The following GPRC5C variants were observed in gnomAD, a reference collection of about 807,000 sequenced individuals.
The protein encoded by GPRC5C is G protein-coupled receptor class C group 5 member C.
A neutral mutation model predicts 31.4 loss-of-function variants in GPRC5C; 22 were observed. The ratio of observed to expected loss-of-function variants is 0.70; its 90% confidence interval spans 0.50 to 1.00. The LOEUF is 1.00. Among genes scored for constraint, GPRC5C ranks in the 50% least tolerant of loss-of-function variants. The pLI is 0.00. For missense variants in GPRC5C, 557 were observed against 597.2 expected (o/e 0.93, Z 0.70); for synonymous variants, 249 against 257.5 (o/e 0.97, Z 0.32).
downstream of GPRC5C, chr17:74,449,429 C>A (rs935778946): frequency 2.9e-6 from 3 of 1,026,830 alleles, no homozygotes; most frequent in Non-Finnish European, 4.1e-6. Flanking sequence ...CAGGCTGGAC[C>A]GGGCCCAGCA....
At chr17:74,443,729 C>T (rs763616868) in intron 2 of GPRC5C, 89 bp from the exon 3 acceptor site, 1 of 1,014,242 alleles carries the variant, frequency 9.9e-7, no homozygotes, top group Non-Finnish European at 1.6e-6. Context: ...CTCTTCCCTG[C>T]CCCCAGAGAG....
intron 2 of GPRC5C, among the ~76,000 whole-genome samples, 196 bp downstream of exon 2, chr17:74,441,023 C>T (rs2055530690): frequency 6.6e-6 from 1 of 151,752 alleles, no homozygotes; most frequent in African/African-American, 2.4e-5. Context: ...GCCTGTAATC[C>T]TAGCACTTTG....
downstream of GPRC5C, among the ~76,000 whole-genome samples, chr17:74,448,049 C>G (rs773455091): frequency 1.3e-5 from 2 of 152,200 alleles, no homozygotes; most frequent in Non-Finnish European, 2.9e-5. Flanking sequence ...TGGCTCATGC[C>G]TGTAATTCCA....
At chr17:74,434,187 C>T (rs1485607024) in intron 1 of GPRC5C, among the ~76,000 whole-genome samples, 2 of 152,114 alleles carry the variant, frequency 1.3e-5, no homozygotes, top group African/African-American at 4.8e-5. Context: ...CCCTTTTGTC[C>T]AGAAAATAAT....
downstream of GPRC5C, chr17:74,448,915 G>A (rs2055681565): frequency 7.8e-7 from 1 of 1,288,666 alleles, no homozygotes; most frequent in Non-Finnish European, 1.0e-6. Context: ...GCCCACCCTG[G>A]GTAAGCCAGT....
intron 3 of GPRC5C, chr17:74,446,028 T>G (rs2055629353): frequency 9.9e-6 from 1 of 101,250 alleles, no homozygotes; most frequent in Non-Finnish European, 1.8e-5. Flanking sequence ...AAAAAAAGAC[T>G]CCAAATCAGA....
intron 1 of GPRC5C, among the ~76,000 whole-genome samples, chr17:74,438,206 CAT>C (rs71157066): frequency 0.045 from 2,035 of 44,984 alleles, 29 homozygotes; most frequent in African/African-American, 0.051. Flanking sequence ...TCTGCTAATT[CAT>C]ATATATATAT....
chr17:74,442,432 C>A (rs928469981), intron 2 of GPRC5C, among the ~76,000 whole-genome samples: 2 of 152,308 alleles, frequency 1.3e-5, no homozygotes, highest in Admixed American at 1.3e-4. Flanking sequence ...ATCCCCTTAC[C>A]GATGTGGCCC....
intron 3 of GPRC5C, chr17:74,445,633 C>T (rs1307366690): frequency 2.6e-5 from 4 of 152,304 alleles, no homozygotes; most frequent in African/African-American, 7.2e-5. Flanking sequence ...GCAGACAGGC[C>T]TGAGGACCTC....
chr17:74,442,310 C>G (rs1343479278), intron 2 of GPRC5C, among the ~76,000 whole-genome samples: 1 of 152,184 alleles, frequency 6.6e-6, no homozygotes, highest in Non-Finnish European at 1.5e-5. Flanking sequence ...GCCTTTTTCT[C>G]TTTTTAATAA....
chr17:74,440,315 T>C lies in GPRC5C; in HGVS notation c.539T>C (p.Val180Ala). Residue 180 changes from valine to alanine, a missense_variant, in exon 2 of 4, where the codon GTT becomes GCT. Coordinates refer to ENST00000392627, the MANE Select transcript of GPRC5C (RefSeq NM_022036.4). The surrounding 1 kb of genome is among the most constrained non-coding windows in gnomAD (Gnocchi z 4.4). ...INTEWLIITL[V>A]RGSGEGGPQG... Reference sequence around the variant, plus strand: ...ACAGAGTGGCTGATCATCACCCTGGTTCGGGGCAGTGGCGAGGGCGGCCCT... The same window carrying C: ...ACAGAGTGGCTGATCATCACCCTGGCTCGGGGCAGTGGCGAGGGCGGCCCT... 1 of 1,614,152 alleles carries C rather than the reference T, an allele frequency of 6.2e-7. No individual in the cohort carries two copies.
chr17:74,449,702 T>TCTG (rs72529875), downstream of GPRC5C: 16 of 236,478 alleles, frequency 6.8e-5, no homozygotes, highest in East Asian at 2.0e-3. Context: ...AAGCTGTGGT[T>TCTG]CAGATTGCCT....
chr17:74,436,470 T>G (rs1281943611), intron 1 of GPRC5C, among the ~76,000 whole-genome samples: 4 of 152,322 alleles, frequency 2.6e-5, no homozygotes, highest in Middle Eastern at 6.8e-3. Flanking sequence ...GTAGCCCCTG[T>G]CTCTCTCCTG....
intron 1 of GPRC5C, chr17:74,433,850 T>C (rs908442137): frequency 2.2e-6 from 2 of 916,734 alleles, no homozygotes; most frequent in Non-Finnish European, 3.7e-6. Flanking sequence ...GGTCTCAGGC[T>C]TGTGTGTGGA....
At position 74,440,076 on chromosome 17, in the gene GPRC5C, C is replaced by T; in HGVS notation, c.300C>T (p.Leu100=). 1 of 1,613,620 alleles carries T rather than the reference C, an allele frequency of 6.2e-7. No homozygotes were observed. The highest frequency in any genetic ancestry group is 8.5e-7 in the Non-Finnish European group (1 of 1,180,034). Reference sequence around the variant, plus strand: ...TCTTCCTTCTGGGGACCCTGGGCCTCTTCTGCCTCGTGTTTGCCTGTGTGG... The same window carrying T: ...TCTTCCTTCTGGGGACCCTGGGCCTTTTCTGCCTCGTGTTTGCCTGTGTGG... ...QVFFLLGTLG[L]FCLVFACVVK... Residue 100 remains leucine, a synonymous_variant, in exon 2 of 4, where the codon CTC becomes CTT. Coordinates refer to ENST00000392627, the MANE Select transcript of GPRC5C (RefSeq NM_022036.4). This position sits in a 1 kb window ranked among gnomAD's most constrained non-coding sequence, Gnocchi z 4.4.
intron 1 of GPRC5C, among the ~76,000 whole-genome samples, chr17:74,438,706 A>T (rs1424928995): frequency 6.6e-6 from 1 of 152,204 alleles, no homozygotes; most frequent in East Asian, 1.9e-4. Context: ...GCAGCATTTA[A>T]ATTTTCAGTG....
chr17:74,442,683 C>T (rs978087763), intron 2 of GPRC5C, among the ~76,000 whole-genome samples: 2 of 152,254 alleles, frequency 1.3e-5, no homozygotes, highest in Admixed American at 1.3e-4. Flanking sequence ...ATTCCTTTCT[C>T]TTCTACACAC....
In GPRC5C at chr17:74,446,684, C is replaced by T. The variant is rs1414440894; in HGVS notation, c.1147-165C>T. ...GGTGAGATAAGGGGCTCAGGTCTGG[C>T]TGTCCCAGGCTGCTCCTGGGGCCCA... is the stretch of plus-strand genomic sequence containing the variant. On this transcript the variant is annotated intron_variant, in intron 3 of 3. Coordinates refer to ENST00000392627, the MANE Select transcript of GPRC5C (RefSeq NM_022036.4). The T allele has an allele frequency of 1.2e-5, 7 of 600,588 alleles. No individual in the cohort carries two copies. The East Asian group carries it at 1.7e-4, about 14-fold the overall frequency. The allele number at this position is 600,588 out of a possible 1,614,324, so 37.2% of individuals were successfully genotyped here. A position where few individuals can be genotyped will look rare whatever the true frequency, so the allele number is the denominator to read the frequency against.
chr17:74,448,287 C>T (rs576692445), downstream of GPRC5C, among the ~76,000 whole-genome samples: 19 of 152,128 alleles, frequency 1.2e-4, no homozygotes, highest in South Asian at 6.2e-4. Flanking sequence ...GGCAACAGAG[C>T]GAGACTCTGT....
Sources: allele counts gnomAD v4.1 joint callset (sites outside exome capture counted in the v4.1 genomes callset), GRCh38; gene constraint gnomAD v4.1.1; non-coding constraint Gnocchi (gnomAD v3.1); transcripts MANE v1.5; gene names NCBI Gene and HGNC (gene_info 2026-07-23, HGNC 2026-07-21).